Variants in MRPL42 observed in about 807,000 individuals in gnomAD.
MRPL42 encodes large ribosomal subunit protein mL42.
MRPL42 carries 17 observed loss-of-function variants against 17.9 expected under a neutral mutation model. The ratio of observed to expected loss-of-function variants is 0.95; its 90% CI spans 0.65 to 1.42. The LOEUF is 1.42. Ranked by LOEUF, MRPL42 falls within the 40% of genes most tolerant of loss-of-function variation. The pLI, the probability that MRPL42 is intolerant of heterozygous loss-of-function variation, is 0.00. For synonymous variants in MRPL42, 59 were observed against 54.4 expected, an observed-to-expected ratio of 1.08 and a Z score of -0.37; for missense variants, 177 against 175.2, an observed-to-expected ratio of 1.01 and a Z score of -0.06.
At chr12:93,478,539 G>A (rs1029092925) in intron 3 of MRPL42, among the ~76,000 whole-genome samples, 1 of 152,088 alleles carries the variant, frequency 6.6e-6, no homozygotes, top group South Asian at 2.1e-4. Context: ...GAGCTACCAC[G>A]CCTGGCCTTG....
In MRPL42 at chr12:93,487,494, TA is replaced by T. The variant is rs756998542; in HGVS notation, c.220-2del. ...ATGATGTTTGTTACTGATTATTTTG[TA>T]GCCTATCCCTCGGCCAGATCCTGTG... On this transcript the variant is annotated splice_acceptor_variant, in intron 4 of 5. Transcript: ENST00000549982. LOFTEE classifies it high-confidence loss of function. The T allele has an allele frequency of 6.2e-7, 1 of 1,606,384 alleles. No homozygotes were observed. Among genetic ancestry groups the T allele is most frequent in the East Asian group, 2.2e-5 (1 of 44,846 alleles).
chr12:93,501,288 G>A lies in MRPL42; in HGVS notation c.*67G>A. On this transcript the variant is annotated 3_prime_UTR_variant, in exon 6 of 6. Coordinates refer to ENST00000549982, the MANE Select transcript of MRPL42 (RefSeq NM_014050.4). Reference sequence around the variant, plus strand: ...TTGCCATTTGAGAAAATGCAGTCTGGTGTATTCAGTAATATATAGTAAAGT... The same window carrying A: ...TTGCCATTTGAGAAAATGCAGTCTGATGTATTCAGTAATATATAGTAAAGT... The A allele has an allele frequency of 8.3e-7, 1 of 1,210,030 alleles. No individual in the cohort carries two copies. Among genetic ancestry groups the A allele is most frequent in the East Asian group, 2.4e-5 (1 of 41,514 alleles). 75.0% of individuals were successfully genotyped at this position (1,210,030 alleles called of 1,614,324 possible).
chr12:93,501,135 TA>T, intron 5 of MRPL42, 40 bp from the exon 6 acceptor site: 1 of 1,437,398 alleles, frequency 7.0e-7, no homozygotes, highest in Non-Finnish European at 9.4e-7. Flanking sequence ...GAATAATTTT[TA>T]TTAAAATCAT....
At chr12:93,488,320 C>G in intron 5 of MRPL42, 2 of 398,464 alleles carry the variant, frequency 5.0e-6, no homozygotes, top group Admixed American at 8.8e-5. Flanking sequence ...GTTGCGCAGG[C>G]TGATTTTAAA....
At chr12:93,484,679 C>G (rs957918642) in intron 4 of MRPL42, among the ~76,000 whole-genome samples, 1 of 151,840 alleles carries the variant, frequency 6.6e-6, no homozygotes, top group Non-Finnish European at 1.5e-5. Context: ...TCACTGAAAC[C>G]TCTGCCTACT....
At position 93,510,460 on chromosome 12, in the gene MRPL42, C is replaced by CATTGTTGGGT. The variant is rs1953715606; in HGVS notation, c.*9240_*9241insTTGTTGGGTA. On this transcript the variant is annotated 3_prime_UTR_variant, in exon 6 of 6. Coordinates refer to ENST00000549982, the MANE Select transcript of MRPL42 (RefSeq NM_014050.4). The stretch of plus-strand genomic sequence containing the variant: ...GCTTTCAACTCCTTTGGGTAAATAC[C>CATTGTTGGGT]AAAGAGCACAATTGTTGGATTGAAT... The CATTGTTGGGT allele has an allele frequency of 1.3e-5, 2 of 152,106 alleles. No homozygotes were observed. Among genetic ancestry groups the CATTGTTGGGT allele is most frequent in the African/African-American group, 4.8e-5 (2 of 41,412 alleles). The allele number at this position is 152,106 out of a possible 1,614,324, so 9.4% of individuals were successfully genotyped here. A position where few individuals can be genotyped will look rare whatever the true frequency, so the allele number is the denominator to read the frequency against.
At chr12:93,472,681 T>C (rs1488371370) in intron 2 of MRPL42, among the ~76,000 whole-genome samples, 3 of 152,204 alleles carry the variant, frequency 2.0e-5, no homozygotes, top group African/African-American at 7.2e-5. Context: ...AAATCATGAT[T>C]AAGGAAGAAA....
chr12:93,487,188 C>T (rs1880783653), intron 4 of MRPL42, among the ~76,000 whole-genome samples: 1 of 152,032 alleles, frequency 6.6e-6, no homozygotes, highest in Non-Finnish European at 1.5e-5. Context: ...CTTTGGAACT[C>T]CTGGGCTCAA....
chr12:93,480,836 G>C (rs1041412870), intron 4 of MRPL42, among the ~76,000 whole-genome samples: 2 of 152,176 alleles, frequency 1.3e-5, no homozygotes, highest in African/African-American at 4.8e-5. Context: ...CACCGCGCCC[G>C]ACAAATAATT....
chr12:93,494,878 A>G (rs543089947), intron 5 of MRPL42, among the ~76,000 whole-genome samples: 7 of 152,316 alleles, frequency 4.6e-5, no homozygotes, highest in South Asian at 2.1e-4. Context: ...AAGAATTTCA[A>G]CCGTTACTAA....
At chr12:93,478,893 T>G (rs142090185) in intron 3 of MRPL42, among the ~76,000 whole-genome samples, 146 of 151,552 alleles carry the variant, frequency 9.6e-4, no homozygotes, top group Middle Eastern at 3.4e-3. Flanking sequence ...CTTCAGCAAT[T>G]TGTGATTAAT....
chr12:93,485,574 G>A (rs1880705105), intron 4 of MRPL42, among the ~76,000 whole-genome samples: 2 of 151,886 alleles, frequency 1.3e-5, no homozygotes, highest in Admixed American at 1.3e-4. Context: ...TGTTTGAATT[G>A]TTTCTTACTG....
chr12:93,490,405 T>C (rs1409833373), intron 5 of MRPL42, among the ~76,000 whole-genome samples: 2 of 152,198 alleles, frequency 1.3e-5, no homozygotes, highest in South Asian at 2.1e-4. Context: ...ATATATATCC[T>C]AATAAAGAGC....
Position 93,502,007 on chromosome 12 carries a change from C to A in MRPL42, c.*786C>A, listed in dbSNP as rs1299102825. The A allele has an allele frequency of 2.0e-5, 3 of 150,356 alleles. No homozygotes were observed. Among genetic ancestry groups the A allele is most frequent in the Non-Finnish European group, 4.5e-5 (3 of 67,236 alleles). The allele number at this position is 150,356 out of a possible 1,614,324, so 9.3% of individuals were successfully genotyped here. A position where few individuals can be genotyped will look rare whatever the true frequency, so the allele number is the denominator to read the frequency against. On this transcript the variant is annotated 3_prime_UTR_variant, in exon 6 of 6. Transcript: ENST00000549982. ...ACATTTTACAGTGACTCGAACCTTA[C>A]CCAAACAAGTGGGAGAGCCAGGAGC...
In MRPL42 at chr12:93,501,532, A is replaced by G. The variant is rs1953595369; in HGVS notation, c.*311A>G. On this transcript the variant is annotated 3_prime_UTR_variant, in exon 6 of 6. Coordinates refer to ENST00000549982, the MANE Select transcript of MRPL42 (RefSeq NM_014050.4). ...AATTACATCAGAAATTCAACACTTT[A>G]TTATAAAACGGGCTTCGTGTTAGAT... 5.3e-6 allele frequency: 1 copy of G among 189,728 alleles called. No individual in the cohort carries two copies. The highest frequency in any genetic ancestry group is 1.1e-5 in the Non-Finnish European group (1 of 93,218). 11.8% of individuals were successfully genotyped at this position (189,728 alleles called of 1,614,324 possible). A position where few individuals can be genotyped will look rare whatever the true frequency, so the allele number is the denominator to read the frequency against.
chr12:93,485,145 A>C (rs1880679873), intron 4 of MRPL42, among the ~76,000 whole-genome samples: 2 of 143,776 alleles, frequency 1.4e-5, no homozygotes, highest in African/African-American at 5.2e-5. Flanking sequence ...GAGCCACTGC[A>C]CGTGGCCCAC....
chr12:93,487,861 A>G (rs1007890715), intron 5 of MRPL42: 23 of 452,240 alleles, frequency 5.1e-5, no homozygotes, highest in Admixed American at 7.9e-5. Flanking sequence ...CAGTGCCACA[A>G]TCTCAGCTCA....
Position 93,511,802 on chromosome 12 carries a change from A to C in MRPL42, c.*10581A>C, listed in dbSNP as rs1360052858. 3.3e-5 allele frequency: 5 copies of C among 152,208 alleles called. No individual in the cohort carries two copies. Among genetic ancestry groups the C allele is most frequent in the African/African-American group, 9.7e-5 (4 of 41,448 alleles). The allele number at this position is 152,208 out of a possible 1,614,324, so 9.4% of individuals were successfully genotyped here. ...TAATGTGGTTTGAAGCTTTGTAGGAATCCAATTGGATGGATAGCAGCAGTG... is the reference window on the plus strand; with the variant it reads ...TAATGTGGTTTGAAGCTTTGTAGGACTCCAATTGGATGGATAGCAGCAGTG... On this transcript the variant is annotated 3_prime_UTR_variant, in exon 6 of 6. Transcript: ENST00000549982.
At chr12:93,494,806 A>C (rs890945608) in intron 5 of MRPL42, among the ~76,000 whole-genome samples, 3 of 152,192 alleles carry the variant, frequency 2.0e-5, no homozygotes, top group Non-Finnish European at 4.4e-5. Context: ...TCTAGAGACA[A>C]GGGAGATGAA....
Sources: allele counts gnomAD v4.1 joint callset (sites outside exome capture counted in the v4.1 genomes callset), GRCh38; gene constraint gnomAD v4.1.1; transcripts MANE v1.5; gene names NCBI Gene and HGNC (gene_info 2026-07-23, HGNC 2026-07-21).